Variants in EPHB1 observed in about 807,000 individuals in gnomAD.
EPHB1 encodes the protein EPH receptor B1.
A neutral mutation model predicts 94.4 loss-of-function variants in EPHB1; 30 were observed. The observed-to-expected ratio is 0.32, with a 90% CI of 0.24 to 0.43. The LOEUF is 0.43. EPHB1 is among the 20% of genes least tolerant of loss of function. The pLI is 1.00. For missense variants in EPHB1, 1,055 were observed against 1,308.3 expected (o/e 0.81, Z 2.99); for synonymous variants, 522 against 489.1 (o/e 1.07, Z -0.89).
intron 3 of EPHB1, among the ~76,000 whole-genome samples, chr3:135,008,239 C>G (rs35231710): frequency 0.26 from 39,427 of 152,144 alleles, 6,143 homozygotes; most frequent in Middle Eastern, 0.47. Context: ...TCATAACAAA[C>G]ATATACATAG....
chr3:135,183,069 T>C (rs1182022440), intron 10 of EPHB1, among the ~76,000 whole-genome samples: 2 of 135,594 alleles, frequency 1.5e-5, no homozygotes, highest in Admixed American at 1.6e-4. Flanking sequence ...TTTCTTTCTT[T>C]CTTTCTTTCT....
intron 9 of EPHB1, among the ~76,000 whole-genome samples, chr3:135,179,344 G>A (rs1231450701): frequency 6.6e-6 from 1 of 152,004 alleles, no homozygotes; most frequent in Non-Finnish European, 1.5e-5. Flanking sequence ...TCCATCTCCA[G>A]ATTTTTCTAA....
intron 10 of EPHB1, among the ~76,000 whole-genome samples, chr3:135,189,780 G>A (rs1223897162): frequency 6.6e-6 from 1 of 152,154 alleles, no homozygotes; most frequent in African/African-American, 2.4e-5. Flanking sequence ...TTCACCTGGA[G>A]CACTTTTCCA....
At chr3:134,964,286 A>G (rs1207261369) in intron 3 of EPHB1, among the ~76,000 whole-genome samples, 1 of 152,238 alleles carries the variant, frequency 6.6e-6, no homozygotes, top group Non-Finnish European at 1.5e-5. Flanking sequence ...AGATGGAGGC[A>G]GTAACCAGTG....
At chr3:135,118,250 A>T (rs531715279) in intron 4 of EPHB1, among the ~76,000 whole-genome samples, 1 of 152,204 alleles carries the variant, frequency 6.6e-6, no homozygotes, top group African/African-American at 2.4e-5. Context: ...GAGACCATAC[A>T]CCATTACCAT....
chr3:134,861,463 T>G (rs751408531), intron 1 of EPHB1, among the ~76,000 whole-genome samples: 1 of 151,996 alleles, frequency 6.6e-6, no homozygotes, highest in Non-Finnish European at 1.5e-5. Context: ...AAGTGTAGAC[T>G]TGAGACTTTC....
intron 3 of EPHB1, among the ~76,000 whole-genome samples, chr3:135,097,881 T>C (rs1210884060): frequency 6.6e-6 from 1 of 152,196 alleles, no homozygotes; most frequent in Non-Finnish European, 1.5e-5. Flanking sequence ...TCTTGGCACC[T>C]TCTACAACTA....
At chr3:134,857,836 G>C (rs1560267198) in intron 1 of EPHB1, among the ~76,000 whole-genome samples, 1 of 152,200 alleles carries the variant, frequency 6.6e-6, no homozygotes, top group Non-Finnish European at 1.5e-5. Context: ...TACAGGGAGA[G>C]GGATGTGCTA....
chr3:135,259,824 GA>G lies in EPHB1; in HGVS notation c.*709del, dbSNP rs1933569142. 2 of 221,276 alleles carry G rather than the reference GA, an allele frequency of 9.0e-6. No homozygotes were observed. The highest frequency in any genetic ancestry group is 4.5e-5 in the African/African-American group (2 of 44,640). The allele number at this position is 221,276 out of a possible 1,614,324, so 13.7% of individuals were successfully genotyped here. On this transcript the variant is annotated 3_prime_UTR_variant, in exon 16 of 16. Transcript: ENST00000398015. ...CCACAAATTGGGGAAAAAAAAAGAA[GA>G]AAAACCTGTTTCCGTGTGCAAAAGC...
intron 3 of EPHB1, among the ~76,000 whole-genome samples, chr3:134,974,658 G>A (rs571767149): frequency 1.3e-5 from 2 of 151,936 alleles, no homozygotes; most frequent in African/African-American, 2.4e-5. Context: ...TGTGTGAAGA[G>A]TTTTTGATTT....
At chr3:135,113,644 T>C (rs1319561202) in intron 4 of EPHB1, among the ~76,000 whole-genome samples, 1 of 152,194 alleles carries the variant, frequency 6.6e-6, no homozygotes, top group Non-Finnish European at 1.5e-5. Flanking sequence ...GGGAGAGGCC[T>C]TCTGGACTTC....
At chr3:134,952,382 C>T (rs1418683290) in intron 3 of EPHB1, among the ~76,000 whole-genome samples, 1 of 120,474 alleles carries the variant, frequency 8.3e-6, no homozygotes, top group Non-Finnish European at 1.7e-5. Context: ...CACACACACA[C>T]ACACACACTC....
chr3:134,917,143 A>G (rs532084260), intron 1 of EPHB1, among the ~76,000 whole-genome samples: 201 of 152,360 alleles, frequency 1.3e-3, no homozygotes, highest in Non-Finnish European at 1.2e-3. Flanking sequence ...CAGAAAGTCC[A>G]TCGTAGGTCT....
chr3:134,974,655 A>G (rs1319861480), intron 3 of EPHB1, among the ~76,000 whole-genome samples: 3 of 151,274 alleles, frequency 2.0e-5, no homozygotes, highest in African/African-American at 4.9e-5. Flanking sequence ...TCTTGTGTGA[A>G]GAGTTTTTGA....
At chr3:135,030,383 G>A (rs1423613809) in intron 3 of EPHB1, among the ~76,000 whole-genome samples, 2 of 152,154 alleles carry the variant, frequency 1.3e-5, no homozygotes. Flanking sequence ...TGATGATGGT[G>A]ATGTACAGAT....
intron 3 of EPHB1, among the ~76,000 whole-genome samples, chr3:134,974,036 G>A (rs760857448): frequency 2.6e-5 from 4 of 152,182 alleles, no homozygotes; most frequent in Non-Finnish European, 4.4e-5. Context: ...AGTCTTCAGA[G>A]AGTGCTGTGA....
intron 1 of EPHB1, among the ~76,000 whole-genome samples, chr3:134,811,242 G>GTTTTTTTTTTGTTTTTTTTTT (rs2036169127): frequency 1.4e-5 from 1 of 73,850 alleles, no homozygotes; most frequent in Non-Finnish European, 2.7e-5. Flanking sequence ...TACTAAGAAG[G>GTTTTTTTTTTGTTTTTTTTTT]TTTTTTTTTT....
At chr3:134,853,780 G>A (rs1250622263) in intron 1 of EPHB1, among the ~76,000 whole-genome samples, 2 of 152,150 alleles carry the variant, frequency 1.3e-5, no homozygotes, top group Non-Finnish European at 2.9e-5. Context: ...AGGCTTTGGG[G>A]AGGAAGAGAA....
intron 5 of EPHB1, among the ~76,000 whole-genome samples, chr3:135,151,144 A>G (rs1188292533): frequency 6.6e-6 from 1 of 152,208 alleles, no homozygotes; most frequent in Non-Finnish European, 1.5e-5. Flanking sequence ...TCCTGCTTTT[A>G]CATGGCCCCT....
Sources: gnomAD v4.1 joint callset for allele counts (sites outside exome capture counted in the v4.1 genomes callset) on GRCh38, gnomAD v4.1.1 for gene constraint, MANE v1.5 for transcripts, NCBI Gene and HGNC (gene_info 2026-07-23, HGNC 2026-07-21) for gene names.